Variants in PAFAH1B1 observed in about 807,000 individuals in gnomAD.
PAFAH1B1 encodes the protein platelet activating factor acetylhydrolase 1b regulatory subunit 1, also known as platelet-activating factor acetylhydrolase IB subunit beta.
A neutral mutation model predicts 57.5 loss-of-function variants in PAFAH1B1; 2 were observed. The observed-to-expected ratio is 0.03, with a 90% CI of 0.01 to 0.11. The LOEUF is 0.11. PAFAH1B1 is among the 10% of genes least tolerant of loss of function. The pLI, the probability that PAFAH1B1 is intolerant of heterozygous loss-of-function variation, is 1.00. For missense variants in PAFAH1B1, 257 were observed against 512.0 expected, an observed-to-expected ratio of 0.50 and a Z score of 4.81; for synonymous variants, 152 against 169.6, an observed-to-expected ratio of 0.90 and a Z score of 0.81.
At chr17:2,637,686 G>A (rs1489481961) in intron 1 of PAFAH1B1, among the ~76,000 whole-genome samples, 1 of 152,198 alleles carries the variant, frequency 6.6e-6, no homozygotes, top group Non-Finnish European at 1.5e-5. Flanking sequence ...TTCAGTTATA[G>A]TTGGCACTGT....
rs1351403324 is a variant in PAFAH1B1, at chr17:2,674,078, C to T, written c.690C>T (p.Phe230=). The change falls in exon 8 of 11, where the codon TTC becomes TTT. Residue 230 remains phenylalanine (F), a synonymous_variant. Transcript: ENST00000397195. ...TTGACAGCTACTGTGTGAAGACATT[C>T]ACAGGACACAGAGAATGGGTACGTA... is the stretch of plus-strand genomic sequence containing the variant. ...EVQTGYCVKT[F]TGHREWVRMV... 4 of 1,612,822 alleles carry T rather than the reference C, an allele frequency of 2.5e-6. No homozygotes were observed. In the African/African-American group the frequency reaches 5.3e-5, roughly 22 times the overall value.
intron 6 of PAFAH1B1, among the ~76,000 whole-genome samples, chr17:2,671,743 CAG>C (rs1233878013): frequency 1.3e-5 from 2 of 151,660 alleles, no homozygotes; most frequent in East Asian, 3.9e-4. Flanking sequence ...GCTGGCAATA[CAG>C]GCAAGCACCA....
chr17:2,612,210 CT>C lies in PAFAH1B1; in HGVS notation c.-191+18220del, dbSNP rs529559637. On this transcript the variant is annotated intron_variant, in intron 1 of 10. Transcript: ENST00000397195. ...AATGTGCCATTTTGGGAAAATGGCA[CT>C]TTTTTTTTTTTTTTTGAGACTGAGT... Among the ~76,000 whole-genome samples the C allele has an allele frequency of 9.6e-3, 1,259 of 130,540 alleles. 4 individuals are homozygous for C. Among genetic ancestry groups the C allele is most frequent in the Admixed American group, 0.015 (193 of 13,146 alleles). 85.6% of individuals were successfully genotyped at this position (130,540 alleles called of 152,430 possible).
At chr17:2,607,608 CG>C (rs2068220650) in intron 1 of PAFAH1B1, among the ~76,000 whole-genome samples, 1 of 151,838 alleles carries the variant, frequency 6.6e-6, no homozygotes, top group African/African-American at 2.4e-5. Flanking sequence ...CTCAGCCACC[CG>C]AGTAGTTGGG....
chr17:2,673,091 C>T (rs1490972516), intron 7 of PAFAH1B1, among the ~76,000 whole-genome samples: 1 of 151,980 alleles, frequency 6.6e-6, no homozygotes, highest in Non-Finnish European at 1.5e-5. Flanking sequence ...AAGGCATCAG[C>T]TTAAAGACAT....
At chr17:2,630,064 G>A (rs891380827) in intron 1 of PAFAH1B1, among the ~76,000 whole-genome samples, 8 of 152,154 alleles carry the variant, frequency 5.3e-5, no homozygotes, top group Non-Finnish European at 7.4e-5. Context: ...TTTAAGTGGA[G>A]TATTTAGTCC....
chr17:2,616,522 GTCTTT>G (rs2068343016), intron 1 of PAFAH1B1, among the ~76,000 whole-genome samples: 1 of 152,204 alleles, frequency 6.6e-6, no homozygotes. Context: ...TGGGAAATCA[GTCTTT>G]TCTTTTTCTC....
chr17:2,649,415 A>G (rs1487514962), intron 2 of PAFAH1B1, among the ~76,000 whole-genome samples: 1 of 151,824 alleles, frequency 6.6e-6, no homozygotes, highest in African/African-American at 2.4e-5. Flanking sequence ...TCTACTAAAA[A>G]TACAAAAATC....
chr17:2,675,088 G>A (rs190511838), intron 8 of PAFAH1B1, among the ~76,000 whole-genome samples: 35 of 152,150 alleles, frequency 2.3e-4, no homozygotes, highest in Middle Eastern at 3.4e-3. Flanking sequence ...TGCAACCTCC[G>A]CCTCCCAGGT....
At chr17:2,599,946 C>A (rs2068121158) in intron 1 of PAFAH1B1, among the ~76,000 whole-genome samples, 2 of 140,244 alleles carry the variant, frequency 1.4e-5, no homozygotes, top group South Asian at 4.8e-4. Flanking sequence ...TAAAATTTTA[C>A]AGTGCAGATT....
At chr17:2,679,334 A>T (rs2069326576) in intron 9 of PAFAH1B1, among the ~76,000 whole-genome samples, 1 of 152,092 alleles carries the variant, frequency 6.6e-6, no homozygotes, top group Non-Finnish European at 1.5e-5. Context: ...ATATGGATGG[A>T]TAGATGGATG....
At chr17:2,651,658 CCTTG>C (rs2068851655) in intron 2 of PAFAH1B1, among the ~76,000 whole-genome samples, 2 of 137,096 alleles carry the variant, frequency 1.5e-5, no homozygotes, top group Non-Finnish European at 3.3e-5. Context: ...TTGTAAACCT[CCTTG>C]CTTCTCTTAA....
chr17:2,623,656 C>A (rs1846719864), intron 1 of PAFAH1B1, among the ~76,000 whole-genome samples: 1 of 147,064 alleles, frequency 6.8e-6, no homozygotes, highest in Non-Finnish European at 1.5e-5. Context: ...AAGATGGAGT[C>A]TTGCTCTGTC....
Position 2,594,149 on chromosome 17 carries a change from T to G in PAFAH1B1, c.-191+143T>G, listed in dbSNP as rs552510844. 428 of 392,952 alleles carry G rather than the reference T, an allele frequency of 1.1e-3. 3 individuals are homozygous for G. The highest frequency in any genetic ancestry group is 3.4e-3 in the Admixed American group (76 of 22,504). The allele number at this position is 392,952 out of a possible 1,614,324, so 24.3% of individuals were successfully genotyped here. Reference sequence around the variant, plus strand: ...CCCTCCCCCTGCCTCCGCCGCCGCCTCCTCCTTCTTCTTCTCTCCTCGCTC... The same window carrying G: ...CCCTCCCCCTGCCTCCGCCGCCGCCGCCTCCTTCTTCTTCTCTCCTCGCTC... On this transcript the variant is annotated intron_variant, in intron 1 of 10. Coordinates refer to ENST00000397195, the MANE Select transcript of PAFAH1B1 (RefSeq NM_000430.4).
intron 9 of PAFAH1B1, among the ~76,000 whole-genome samples, chr17:2,678,233 C>T (rs1219937170): frequency 6.6e-6 from 1 of 151,842 alleles, no homozygotes; most frequent in Middle Eastern, 3.2e-3. Flanking sequence ...GGAACCCCAT[C>T]GCTGCTAAAA....
chr17:2,681,647 A>G (rs997726260), intron 10 of PAFAH1B1, 82 bp from the exon 11 acceptor site: 3 of 1,080,722 alleles, frequency 2.8e-6, no homozygotes, highest in Non-Finnish European at 4.2e-6. Flanking sequence ...TTAATTTTGT[A>G]TTTTGTAGAG....
rs2068421993 is a variant in PAFAH1B1 at position 2,621,605 on chromosome 17, G to GTTTTTTTTT, written c.-190-16493_-190-16492insTTTTTTTTT. On this transcript the variant is annotated intron_variant, in intron 1 of 10. Coordinates refer to ENST00000397195, the MANE Select transcript of PAFAH1B1 (RefSeq NM_000430.4). ...GCTATTCAAGCATGGTAGATAATCT[G>GTTTTTTTTT]TCTTTTTTTTTTTTTTTTTTTTTTT... 1.2e-4 allele frequency among the ~76,000 whole-genome samples: 11 copies of GTTTTTTTTT among 93,242 alleles called. 3 individuals carry two copies. The highest frequency in any genetic ancestry group is 2.8e-4 in the African/African-American group (6 of 21,346). The allele number at this position is 93,242 out of a possible 152,430, so 61.2% of individuals were successfully genotyped here. A position where few individuals can be genotyped will look rare whatever the true frequency, so the allele number is the denominator to read the frequency against.
At chr17:2,647,730 C>T (rs562463276) in intron 2 of PAFAH1B1, among the ~76,000 whole-genome samples, 3 of 152,192 alleles carry the variant, frequency 2.0e-5, no homozygotes, top group East Asian at 1.9e-4. Flanking sequence ...GGCAGCCGGG[C>T]GAGGTGGCTC....
intron 1 of PAFAH1B1, among the ~76,000 whole-genome samples, chr17:2,611,517 A>G (rs775672971): frequency 2.6e-5 from 4 of 151,992 alleles, no homozygotes; most frequent in African/African-American, 4.8e-5. Flanking sequence ...AAAGGGGTCC[A>G]GGACACAGCT....
Sources: allele counts gnomAD v4.1 joint callset (sites outside exome capture counted in the v4.1 genomes callset), GRCh38; gene constraint gnomAD v4.1.1; transcripts MANE v1.5; gene names NCBI Gene and HGNC (gene_info 2026-07-23, HGNC 2026-07-21).